The following OTUD4 variants were observed in gnomAD, a reference collection of about 807,000 sequenced individuals.
OTUD4 encodes OTU domain-containing protein 4.
Under a neutral mutation model 130.4 loss-of-function variants are expected in OTUD4, and 24 were observed. That is an observed-to-expected ratio of 0.18 (90% confidence interval 0.13 to 0.26). OTUD4 has a LOEUF of 0.26. Ranked by LOEUF, OTUD4 falls within the 10% of genes least tolerant of loss-of-function variation. The probability of loss-of-function intolerance (pLI) is 1.00; values close to 1 mark genes in which losing one functional copy is unlikely to be tolerated. For synonymous variants in OTUD4, 420 were observed against 472.5 expected, an observed-to-expected ratio of 0.89 and a Z score of 1.44; for missense variants, 1,031 against 1,329.4, an observed-to-expected ratio of 0.78 and a Z score of 3.49.
intron 2 of OTUD4, among the ~76,000 whole-genome samples, chr4:145,173,468 A>C (rs563873701): frequency 1.3e-5 from 2 of 152,266 alleles, no homozygotes; most frequent in East Asian, 3.9e-4. Flanking sequence ...AAGCACCTCA[A>C]CCAATGTTAG....
chr4:145,163,647 C>G (rs928639573), intron 5 of OTUD4, among the ~76,000 whole-genome samples: 9 of 148,888 alleles, frequency 6.0e-5, no homozygotes, highest in African/African-American at 2.2e-4. Context: ...AATACAGTAA[C>G]TTGTGGGAGC....
At chr4:145,138,797 T>C in intron 20 of OTUD4, 147 bp from the exon 21 acceptor site, 2 of 664,910 alleles carry the variant, frequency 3.0e-6, no homozygotes, top group Non-Finnish European at 5.0e-6. Flanking sequence ...TAAATCACTG[T>C]GATAACCAAC....
chr4:145,172,329 G>A (rs1323009950), intron 2 of OTUD4, among the ~76,000 whole-genome samples: 1 of 152,208 alleles, frequency 6.6e-6, no homozygotes, highest in Non-Finnish European at 1.5e-5. Context: ...AAATAGTATA[G>A]CTTAATAATA....
intron 1 of OTUD4, among the ~76,000 whole-genome samples, chr4:145,174,981 T>C (rs1752350057): frequency 6.6e-6 from 1 of 152,240 alleles, no homozygotes; most frequent in Admixed American, 6.5e-5. Flanking sequence ...AAGAATTTAT[T>C]AGCCTTTCTC....
chr4:145,141,374 C>A lies in OTUD4; in HGVS notation c.2083+5G>T. 6.4e-7 allele frequency: 1 copy of A among 1,572,408 alleles called. No individual in the cohort carries two copies. Among genetic ancestry groups the A allele is most frequent in the Non-Finnish European group, 8.6e-7 (1 of 1,160,654 alleles). Reference sequence around the variant, plus strand: ...AGTCGATTTGAACTTGGAGAAGGAGCTCACCTTTAGGTAGGTCCTCCCCAG... The same window carrying A: ...AGTCGATTTGAACTTGGAGAAGGAGATCACCTTTAGGTAGGTCCTCCCCAG... On this transcript the variant is annotated splice_donor_5th_base_variant and intron_variant, in intron 19 of 20. Coordinates refer to ENST00000447906, the MANE Select transcript of OTUD4 (RefSeq NM_001366057.1).
At chr4:145,159,719 T>C in intron 6 of OTUD4, 84 bp from the exon 7 acceptor site, 1 of 1,282,838 alleles carries the variant, frequency 7.8e-7, no homozygotes, top group South Asian at 1.3e-5. Context: ...ATTGTAACTT[T>C]CTATTGCTCA....
At chr4:145,140,845 G>GCATTA (rs1213197070) in intron 19 of OTUD4, among the ~76,000 whole-genome samples, 5 of 121,320 alleles carry the variant, frequency 4.1e-5, no homozygotes, top group Admixed American at 3.9e-4. Flanking sequence ...AAGCATACTA[G>GCATTA]CATTAACAAG....
chr4:145,157,874 C>T (rs191430866), intron 7 of OTUD4, among the ~76,000 whole-genome samples: 34 of 152,250 alleles, frequency 2.2e-4, no homozygotes, highest in African/African-American at 8.2e-4. Context: ...CACCTGCCAA[C>T]TGCCATACAA....
chr4:145,150,602 A>G lies in OTUD4; in HGVS notation c.1170T>C (p.His390=). ...ACCCTGAAGAATGACTAGAGAACGC[A>G]TGTTGTCTTACTCCTGAAGGATGCT... The part of the protein sequence containing the change: ...RLQHPSGVRQ[H]AFSSHSSGSQ... The change falls in exon 13 of 21, where the codon CAT becomes CAC. Residue 390 remains histidine (H), a synonymous_variant. Transcript: ENST00000447906. 6.2e-7 allele frequency: 1 copy of G among 1,613,296 alleles called. No individual in the cohort carries two copies. The highest frequency in any genetic ancestry group is 8.5e-7 in the Non-Finnish European group (1 of 1,179,300).
chr4:145,141,080 A>G (rs1047972333), intron 19 of OTUD4, among the ~76,000 whole-genome samples: 5 of 151,630 alleles, frequency 3.3e-5, no homozygotes, highest in African/African-American at 1.2e-4. Flanking sequence ...GAAGTGGGAG[A>G]ATTGTTTGAA....
intron 13 of OTUD4, among the ~76,000 whole-genome samples, chr4:145,149,863 A>C (rs915879551): frequency 6.6e-6 from 1 of 152,238 alleles, no homozygotes; most frequent in African/African-American, 2.4e-5. Context: ...TGCACGATGA[A>C]GACAGTTTCA....
At chr4:145,166,704 G>C (rs557362456) in intron 3 of OTUD4, among the ~76,000 whole-genome samples, 3 of 152,168 alleles carry the variant, frequency 2.0e-5, no homozygotes, top group Non-Finnish European at 4.4e-5. Context: ...AGTCGGGCCT[G>C]GTGGCACATG....
At chr4:145,158,556 A>T (rs1231484419) in intron 7 of OTUD4, among the ~76,000 whole-genome samples, 1 of 152,136 alleles carries the variant, frequency 6.6e-6, no homozygotes, top group Non-Finnish European at 1.5e-5. Flanking sequence ...TTTTAAAGTT[A>T]TTTTTATAAT....
chr4:145,138,042 C>T lies in OTUD4; in HGVS notation c.2733G>A (p.Glu911=), dbSNP rs1750369933. 1.9e-6 allele frequency: 3 copies of T among 1,614,218 alleles called. No homozygotes were observed. Among genetic ancestry groups the T allele is most frequent in the East Asian group, 2.2e-5 (1 of 44,868 alleles). ...KDCGSVSTVD[E]FPEARGEHVH... ...CATGTTCACCCCTGGCTTCTGGAAACTCATCTACTGTTGAAACTGAACCAC... is the reference window on the plus strand; with the variant it reads ...CATGTTCACCCCTGGCTTCTGGAAATTCATCTACTGTTGAAACTGAACCAC... Residue 911 remains glutamate (E), a synonymous_variant, in exon 21 of 21, where the codon GAG becomes GAA. Transcript: ENST00000447906.
At chr4:145,155,364 G>T in intron 10 of OTUD4, 47 bp downstream of exon 10, 1 of 1,499,634 alleles carries the variant, frequency 6.7e-7, no homozygotes, top group Non-Finnish European at 9.2e-7. Flanking sequence ...ATTAGAAAAA[G>T]CAAAGTTTCA....
chr4:145,148,823 C>T (rs1034551661), intron 13 of OTUD4, among the ~76,000 whole-genome samples: 1 of 152,170 alleles, frequency 6.6e-6, no homozygotes, highest in African/African-American at 2.4e-5. Flanking sequence ...CCAAAGTTAA[C>T]ATTCAAAGTA....
At chr4:145,160,187 CT>C (rs1182492666) in intron 6 of OTUD4, among the ~76,000 whole-genome samples, 1 of 152,162 alleles carries the variant, frequency 6.6e-6, no homozygotes, top group African/African-American at 2.4e-5. Flanking sequence ...GACTTGGATG[CT>C]AGTCTAAGCT....
Position 145,159,601 on chromosome 4 carries a change from A to C in OTUD4, c.531T>G (p.Phe177Leu). ...TCACAATTTTACTAACATCAGTTTT[A>C]AATACCTTCTCATACAGCAATTCAT... ...LLYELLYEKV[F>L]KTDVSKIVME... Residue 177 changes from phenylalanine (F) to leucine (L), a missense_variant, in exon 7 of 21, where the codon TTT (phenylalanine) becomes TTG (leucine). Phe to Leu is a conservative substitution (Grantham distance 22, BLOSUM62 0). Around this residue, in one of 3 missense-constraint regions of OTUD4, gnomAD observed 77 missense variants for 172.9 expected, o/e 0.45. Coordinates refer to ENST00000447906, the MANE Select transcript of OTUD4 (RefSeq NM_001366057.1). 6.2e-7 allele frequency: 1 copy of C among 1,613,430 alleles called. No homozygotes were observed. Among genetic ancestry groups the C allele is most frequent in the Non-Finnish European group, 8.5e-7 (1 of 1,179,574 alleles).
At chr4:145,157,139 T>A (rs1488917499) in intron 7 of OTUD4, among the ~76,000 whole-genome samples, 2 of 152,106 alleles carry the variant, frequency 1.3e-5, no homozygotes, top group African/African-American at 4.8e-5. Flanking sequence ...TACAATCTGG[T>A]GACAACAGAT....
Sources: allele counts gnomAD v4.1 joint callset (sites outside exome capture counted in the v4.1 genomes callset), GRCh38; gene constraint gnomAD v4.1.1; regional missense constraint gnomAD v4.1.1; transcripts MANE v1.5; gene names NCBI Gene and HGNC (gene_info 2026-07-23, HGNC 2026-07-21).